Variants in ZNF280D observed in about 807,000 individuals in gnomAD.
ZNF280D encodes suppressor of hairy wing homolog 4.
ZNF280D carries 39 observed loss-of-function variants against 94.7 expected under a neutral mutation model. That is an observed-to-expected ratio of 0.41 (90% confidence interval 0.32 to 0.54). The LOEUF (loss-of-function observed/expected upper bound fraction) is 0.54. Ranked by LOEUF, ZNF280D falls within the 20% of genes least tolerant of loss-of-function variation. The pLI is 0.22. For synonymous variants in ZNF280D, 398 were observed against 377.6 expected, an observed-to-expected ratio of 1.05 and a Z score of -0.63; for missense variants, 1,090 against 1,149.3, an observed-to-expected ratio of 0.95 and a Z score of 0.75.
At chr15:56,705,452 T>A (rs989112813) in intron 3 of ZNF280D, among the ~76,000 whole-genome samples, 1 of 152,240 alleles carries the variant, frequency 6.6e-6, no homozygotes, top group African/African-American at 2.4e-5. Context: ...TCAAGTTGAA[T>A]AATTCAAATC....
At chr15:56,648,676 A>G (rs1247957514) in intron 19 of ZNF280D, among the ~76,000 whole-genome samples, 1 of 152,180 alleles carries the variant, frequency 6.6e-6, no homozygotes, top group Non-Finnish European at 1.5e-5. Context: ...AACAGCTCAT[A>G]TCTCACAAAT....
At position 56,669,860 on chromosome 15, in the gene ZNF280D, ATATATATATATTT is replaced by A. The variant is rs1566959220; in HGVS notation, c.1411-916_1411-904del. On this transcript the variant is annotated intron_variant, in intron 13 of 21. Coordinates refer to ENST00000267807, the MANE Select transcript of ZNF280D (RefSeq NM_017661.4). ...GCAATTTTTACCCTCATTATTTTAT[ATATATATATATTT>A]TATATATATATATATTATATATATA... Among the ~76,000 whole-genome samples the A allele has an allele frequency of 7.7e-4, 9 of 11,752 alleles. 2 individuals are homozygous for A. The highest frequency in any genetic ancestry group is 2.1e-3 in the African/African-American group (9 of 4,188). 7.7% of individuals were successfully genotyped at this position (11,752 alleles called of 152,430 possible).
In ZNF280D at chr15:56,655,811, A is replaced by G. The variant is rs547329866; in HGVS notation, c.2058-1308T>C. The stretch of plus-strand genomic sequence containing the variant: ...TTAGCCACTATATATTTAATTTCTT[A>G]TAAGAGTTAAGCACTTGGGAGTTGG... On this transcript the variant is annotated intron_variant, in intron 17 of 21. Transcript: ENST00000267807. Among the ~76,000 whole-genome samples, 17 of 152,366 alleles carry G rather than the reference A, an allele frequency of 1.1e-4. No individual in the cohort carries two copies. The South Asian group carries it at 2.5e-3, about 22-fold the overall frequency.
At chr15:56,723,339 A>G (rs1292812910) in intron 1 of ZNF280D, among the ~76,000 whole-genome samples, 5 of 152,206 alleles carry the variant, frequency 3.3e-5, no homozygotes, top group African/African-American at 1.2e-4. Flanking sequence ...ATGCTACAAC[A>G]TGAAACTTTG....
chr15:56,728,745 G>A (rs1169444917), intron 1 of ZNF280D, among the ~76,000 whole-genome samples: 2 of 152,136 alleles, frequency 1.3e-5, no homozygotes, highest in African/African-American at 4.8e-5. Flanking sequence ...ATAATGGTGT[G>A]AAAGTGCATT....
intron 13 of ZNF280D, among the ~76,000 whole-genome samples, chr15:56,674,361 T>C (rs2055072481): frequency 6.6e-6 from 1 of 152,024 alleles, no homozygotes; most frequent in African/African-American, 2.4e-5. Context: ...TTTTATAACA[T>C]TATGTTCAAC....
chr15:56,639,661 G>T (rs555404524), intron 20 of ZNF280D, among the ~76,000 whole-genome samples: 1 of 152,132 alleles, frequency 6.6e-6, no homozygotes, highest in Admixed American at 6.6e-5. Context: ...AAACTGCATG[G>T]GAATTATTTT....
intron 4 of ZNF280D, among the ~76,000 whole-genome samples, chr15:56,701,800 C>T (rs2057090736): frequency 6.6e-6 from 1 of 151,978 alleles, no homozygotes; most frequent in African/African-American, 2.4e-5. Flanking sequence ...AGATTGCAGA[C>T]TAAAGTGAAC....
chr15:56,667,110 G>GT (rs2054346055), intron 14 of ZNF280D, 124 bp from the exon 15 acceptor site: 1 of 639,074 alleles, frequency 1.6e-6, no homozygotes, highest in South Asian at 3.0e-5. Context: ...CTACAATCAG[G>GT]TAAGTCTCCC....
intron 17 of ZNF280D, among the ~76,000 whole-genome samples, chr15:56,656,900 T>A (rs2053585705): frequency 6.6e-6 from 1 of 152,026 alleles, no homozygotes; most frequent in African/African-American, 2.4e-5. Context: ...AATTTTGTAG[T>A]CAAGGAAAGA....
intron 19 of ZNF280D, chr15:56,652,885 G>C (rs2053292832): frequency 1.0e-6 from 1 of 983,726 alleles, no homozygotes; most frequent in Non-Finnish European, 1.2e-6. Context: ...AAAATCTGTA[G>C]AGAATTCTAA....
intron 13 of ZNF280D, among the ~76,000 whole-genome samples, chr15:56,670,229 T>A (rs1222472775): frequency 6.7e-6 from 1 of 149,560 alleles, no homozygotes; most frequent in Admixed American, 6.8e-5. Flanking sequence ...TCAGGGAACA[T>A]GTGCAGGATG....
At chr15:56,709,079 G>A (rs1200939567) in intron 1 of ZNF280D, among the ~76,000 whole-genome samples, 1 of 152,052 alleles carries the variant, frequency 6.6e-6, no homozygotes, top group Non-Finnish European at 1.5e-5. Context: ...GCAACCTACA[G>A]ATTGGGAGAA....
intron 21 of ZNF280D, chr15:56,634,241 C>T (rs572236036): frequency 1.3e-5 from 2 of 152,004 alleles, no homozygotes; most frequent in Non-Finnish European, 2.9e-5. Context: ...ATTTCAATCA[C>T]TTAACTCATT....
chr15:56,731,932 G>A (rs1596737207), intron 1 of ZNF280D, among the ~76,000 whole-genome samples: 1 of 152,310 alleles, frequency 6.6e-6, no homozygotes, highest in Middle Eastern at 3.4e-3. Flanking sequence ...CAGCTACGGA[G>A]GCTGAGGTGA....
At chr15:56,704,549 G>A (rs1466919358) in intron 3 of ZNF280D, among the ~76,000 whole-genome samples, 2 of 152,202 alleles carry the variant, frequency 1.3e-5, no homozygotes, top group Middle Eastern at 3.4e-3. Context: ...AGTTTTAGTC[G>A]TATACATAGA....
At chr15:56,725,457 TAA>T (rs2058585060) in intron 1 of ZNF280D, among the ~76,000 whole-genome samples, 1 of 152,190 alleles carries the variant, frequency 6.6e-6, no homozygotes, top group South Asian at 2.1e-4. Context: ...ACAAAAAATT[TAA>T]AGAGTGGTAT....
chr15:56,689,184 T>G lies in ZNF280D; in HGVS notation c.671-34A>C, dbSNP rs1302351382. The G allele has an allele frequency of 1.9e-6, 3 of 1,581,048 alleles. No homozygotes were observed. The East Asian group carries it at 6.8e-5, about 36-fold the overall frequency. On this transcript the variant is annotated intron_variant, in intron 8 of 21. Transcript: ENST00000267807. ...AATTCAGAACATTTATGACTCAAAA[T>G]TCATCACTTTTTAACCTTAAATAAC...
At chr15:56,633,494 C>CTTTTT (rs546520931) in intron 21 of ZNF280D, among the ~76,000 whole-genome samples, 1 of 146,294 alleles carries the variant, frequency 6.8e-6, no homozygotes. Flanking sequence ...ATCTTTTTAT[C>CTTTTT]TTTTTTTTTT....
Sources: allele counts gnomAD v4.1 joint callset (sites outside exome capture counted in the v4.1 genomes callset), GRCh38; gene constraint gnomAD v4.1.1; transcripts MANE v1.5; gene names NCBI Gene and HGNC (gene_info 2026-07-23, HGNC 2026-07-21).